Variants in LARS2 observed in about 807,000 individuals in gnomAD.
The protein encoded by LARS2 is leucine--tRNA ligase, mitochondrial.
Under a neutral mutation model 116.6 loss-of-function variants are expected in LARS2, and 81 were observed. The ratio of observed to expected loss-of-function variants is 0.69; its 90% CI spans 0.58 to 0.84. The LOEUF (loss-of-function observed/expected upper bound fraction) is 0.84, where lower values mean the gene tolerates loss of function less well. Among genes scored for constraint, LARS2 ranks in the 40% least tolerant of loss-of-function variants. The pLI is 0.00. For missense variants in LARS2, 968 were observed against 1,114.5 expected, an observed-to-expected ratio of 0.87 and a Z score of 1.87; for synonymous variants, 396 against 407.2, an observed-to-expected ratio of 0.97 and a Z score of 0.33.
intron 7 of LARS2, among the ~76,000 whole-genome samples, chr3:45,452,721 C>T (rs1051008103): frequency 3.3e-5 from 5 of 152,046 alleles, no homozygotes; most frequent in African/African-American, 1.2e-4. Context: ...TGGAAGAATT[C>T]CCTCTTTCTA....
rs371138400 is a variant in LARS2 at position 45,518,047 on chromosome 3, A to G, written c.2189A>G (p.Glu730Gly). Residue 730 changes from glutamate to glycine, a missense_variant, in exon 18 of 22, where the codon GAG becomes GGG. Glu to Gly is a moderately conservative substitution (Grantham distance 98). Coordinates refer to ENST00000645846, the MANE Select transcript of LARS2 (RefSeq NM_015340.4). The part of the protein sequence containing the change: ...KEKAEARKLW[E>G]YKNSVISQVT... ...AAAGCTGAGGCCAGGAAGCTCTGGG[A>G]GTACAAGAACTCCGTCATCTCTCAG... The G allele has an allele frequency of 6.2e-7, 1 of 1,613,442 alleles. No individual in the cohort carries two copies. Among genetic ancestry groups the G allele is most frequent in the Non-Finnish European group, 8.5e-7 (1 of 1,179,694 alleles).
chr3:45,415,876 TAGAG>T (rs71095033), intron 4 of LARS2, among the ~76,000 whole-genome samples: 2 of 69,028 alleles, frequency 2.9e-5, no homozygotes, highest in Non-Finnish European at 7.9e-5. Flanking sequence ...TATATATATA[TAGAG>T]AGAGAGAGAG....
At position 45,510,590 on chromosome 3, in the gene LARS2, G is replaced by A. The variant is rs1220638746; in HGVS notation, c.1761-2545G>A. Among the ~76,000 whole-genome samples the A allele has an allele frequency of 3.3e-5, 5 of 152,246 alleles. 1 individual carries two copies. In the East Asian group the frequency reaches 9.6e-4, roughly 29 times the overall value. The stretch of plus-strand genomic sequence containing the variant: ...AGGAGATACCTTCTCAGTGGAGATG[G>A]CATTTGAGTTGAGCCAGGAAGGAGG... On this transcript the variant is annotated intron_variant, in intron 15 of 21. Coordinates refer to ENST00000645846, the MANE Select transcript of LARS2 (RefSeq NM_015340.4).
chr3:45,441,108 C>G (rs909308989), intron 6 of LARS2, among the ~76,000 whole-genome samples: 8 of 151,546 alleles, frequency 5.3e-5, no homozygotes, highest in African/African-American at 1.9e-4. Context: ...TCACTGCAAC[C>G]TCCACCTCCA....
At position 45,417,595 on chromosome 3, in the gene LARS2, C is replaced by A. The variant is rs780831810; in HGVS notation, c.455+22C>A. 17 of 1,554,536 alleles carry A rather than the reference C, an allele frequency of 1.1e-5. No homozygotes were observed. The Admixed American group carries it at 2.7e-4, about 25-fold the overall frequency. ...AAAGGTAAGTGTTTACAGGCATATT[C>A]AAATACTTGCATACAAAAACCTTTA... On this transcript the variant is annotated intron_variant, in intron 5 of 21. Transcript: ENST00000645846.
Position 45,518,082 on chromosome 3 carries a change from T to C in LARS2, c.2214+10T>C. The C allele has an allele frequency of 6.2e-7, 1 of 1,604,998 alleles. No homozygotes were observed. Among genetic ancestry groups the C allele is most frequent in the Non-Finnish European group, 8.5e-7 (1 of 1,174,850 alleles). On this transcript the variant is annotated intron_variant, in intron 18 of 21. Coordinates refer to ENST00000645846, the MANE Select transcript of LARS2 (RefSeq NM_015340.4). Reference sequence around the variant, plus strand: ...CTCCGTCATCTCTCAGGTCAGAAACTCTCCAATTCCAGGGGTTAACTCTGT... The same window carrying C: ...CTCCGTCATCTCTCAGGTCAGAAACCCTCCAATTCCAGGGGTTAACTCTGT...
Position 45,547,481 on chromosome 3 carries a change from C to G in LARS2, c.2663C>G (p.Ser888Cys). ...RLLQGRSIKK[S>C]FLSPRTALIN... ...TTGCAAGGACGAAGCATCAAGAAGT[C>G]CTTCCTTTCCCCGAGAACTGCCCTC... Residue 888 changes from serine to cysteine, a missense_variant, in exon 22 of 22, where the codon TCC becomes TGC. Ser to Cys is a moderately radical substitution (Grantham distance 112). Coordinates refer to ENST00000645846, the MANE Select transcript of LARS2 (RefSeq NM_015340.4). 6.2e-7 allele frequency: 1 copy of G among 1,612,928 alleles called. No homozygotes were observed. The highest frequency in any genetic ancestry group is 8.5e-7 in the Non-Finnish European group (1 of 1,179,622).
intron 20 of LARS2, among the ~76,000 whole-genome samples, chr3:45,531,426 G>A (rs552630416): frequency 8.2e-4 from 124 of 151,894 alleles, no homozygotes; most frequent in Non-Finnish European, 1.6e-3. Context: ...TGTCCAGGCT[G>A]GAGTACAGAG....
At chr3:45,411,101 C>G (rs1698323192) in intron 4 of LARS2, among the ~76,000 whole-genome samples, 1 of 152,130 alleles carries the variant, frequency 6.6e-6, no homozygotes, top group Admixed American at 6.5e-5. Context: ...ACTCACAGAC[C>G]CTGACCCAGC....
chr3:45,493,612 CCCCAGGGCTACT>C (rs763149767), intron 13 of LARS2, among the ~76,000 whole-genome samples: 2 of 152,128 alleles, frequency 1.3e-5, no homozygotes, highest in Non-Finnish European at 2.9e-5. Context: ...GTCTCATAAT[CCCCAGGGCTACT>C]GGGGATTAAA....
rs776581310 is a variant in LARS2, at chr3:45,500,555, A to G, written c.1736A>G (p.His579Arg). The G allele has an allele frequency of 5.8e-6, 9 of 1,564,404 alleles. No homozygotes were observed. Among genetic ancestry groups the G allele is most frequent in the Non-Finnish European group, 7.7e-6 (9 of 1,162,726 alleles). ...FYARFFSHFC[H>R]DQKMVKHREP... is the part of the protein sequence containing the mutation. ...GCAAGATTCTTTAGTCATTTTTGCCATGATCAAAAAATGGTTAAACATAGG... is the reference window on the plus strand; with the variant it reads ...GCAAGATTCTTTAGTCATTTTTGCCGTGATCAAAAAATGGTTAAACATAGG... The change falls in exon 15 of 22, where the codon CAT (histidine) becomes CGT (arginine). Residue 579 changes from histidine to arginine, a missense_variant. His to Arg is a conservative substitution (Grantham distance 29). Transcript: ENST00000645846.
rs754475523 is a variant in LARS2 at position 45,394,672 on chromosome 3, A to G, written c.219A>G (p.Lys73=). 7.4e-6 allele frequency: 12 copies of G among 1,612,126 alleles called. No individual in the cohort carries two copies. In the Admixed American group the frequency reaches 1.2e-4, roughly 16 times the overall value. The stretch of plus-strand genomic sequence containing the variant: ...AACGAATAAAAGAACAGGCCTCCAA[A>G]ATTTCAGAAGCTGATGTGAGTATTC... The part of the protein sequence containing the change: ...WHQRIKEQAS[K]ISEADKSKPK... The change falls in exon 3 of 22, where the codon AAA becomes AAG. Residue 73 remains lysine (K), a synonymous_variant. Coordinates refer to ENST00000645846, the MANE Select transcript of LARS2 (RefSeq NM_015340.4).
intron 4 of LARS2, among the ~76,000 whole-genome samples, chr3:45,416,354 A>G (rs148370243): frequency 6.6e-6 from 1 of 152,264 alleles, no homozygotes; most frequent in East Asian, 1.9e-4. Context: ...GAGAGATAGA[A>G]GAAAGAAGTG....
chr3:45,514,966 T>G (rs1303202019), intron 16 of LARS2, among the ~76,000 whole-genome samples: 1 of 152,210 alleles, frequency 6.6e-6, no homozygotes, highest in African/African-American at 2.4e-5. Flanking sequence ...GAGAATACTT[T>G]GATCAGCAAG....
At chr3:45,434,368 G>A (rs1471013098) in intron 6 of LARS2, among the ~76,000 whole-genome samples, 1 of 152,140 alleles carries the variant, frequency 6.6e-6, no homozygotes, top group Non-Finnish European at 1.5e-5. Context: ...CCATTCTGCT[G>A]GTGAGCCCAT....
chr3:45,407,337 T>C (rs1178129970), intron 4 of LARS2, among the ~76,000 whole-genome samples: 1 of 152,166 alleles, frequency 6.6e-6, no homozygotes, highest in Non-Finnish European at 1.5e-5. Flanking sequence ...AATTTGCAAA[T>C]CTCTGTAGCA....
intron 15 of LARS2, among the ~76,000 whole-genome samples, chr3:45,511,645 G>C (rs1017567922): frequency 6.6e-6 from 1 of 152,002 alleles, no homozygotes; most frequent in African/African-American, 2.4e-5. Context: ...GGGTTAGTCA[G>C]TTTTTCGCAG....
At chr3:45,453,457 T>C (rs1365686340) in intron 7 of LARS2, among the ~76,000 whole-genome samples, 1 of 152,230 alleles carries the variant, frequency 6.6e-6, no homozygotes, top group Admixed American at 6.5e-5. Flanking sequence ...TCTACATGAA[T>C]TTAGTAGCAG....
chr3:45,419,078 G>C (rs1297658064), intron 5 of LARS2, among the ~76,000 whole-genome samples: 1 of 152,190 alleles, frequency 6.6e-6, no homozygotes, highest in Non-Finnish European at 1.5e-5. Context: ...GGATGCAGTA[G>C]AAATGAATTA....
Sources: allele counts gnomAD v4.1 joint callset (sites outside exome capture counted in the v4.1 genomes callset), GRCh38; gene constraint gnomAD v4.1.1; transcripts MANE v1.5; gene names NCBI Gene and HGNC (gene_info 2026-07-23, HGNC 2026-07-21).